The following RAB3C variants were observed in gnomAD, a reference collection of about 807,000 sequenced individuals.
The protein encoded by RAB3C is ras-related protein Rab-3C.
RAB3C carries 17 observed loss-of-function variants against 26.4 expected under a neutral mutation model. The ratio of observed to expected loss-of-function variants is 0.64; its 90% CI spans 0.44 to 0.97. The LOEUF is 0.97. Ranked by LOEUF, RAB3C falls within the 50% of genes least tolerant of loss-of-function variation. The pLI is 0.00. For synonymous variants in RAB3C, 91 were observed against 95.9 expected (o/e 0.95, Z 0.30); for missense variants, 242 against 281.9 (o/e 0.86, Z 1.01).
intron 2 of RAB3C, among the ~76,000 whole-genome samples, chr5:58,627,534 G>T (rs1054669700): frequency 1.4e-5 from 2 of 138,894 alleles, no homozygotes; most frequent in African/African-American, 2.5e-5. Flanking sequence ...GCTTAAATTC[G>T]GTGCAAATTA....
intron 1 of RAB3C, among the ~76,000 whole-genome samples, chr5:58,587,886 T>C (rs1430265469): frequency 6.6e-6 from 1 of 152,082 alleles, no homozygotes; most frequent in Non-Finnish European, 1.5e-5. Context: ...CCATAGGAGT[T>C]TGATTTGTTC....
intron 1 of RAB3C, among the ~76,000 whole-genome samples, chr5:58,611,439 G>T (rs1746698545): frequency 6.6e-6 from 1 of 152,016 alleles, no homozygotes; most frequent in South Asian, 2.1e-4. Flanking sequence ...GGTGTGAAAT[G>T]GTATCTCATT....
At chr5:58,607,564 A>G (rs1261932332) in intron 1 of RAB3C, among the ~76,000 whole-genome samples, 2 of 152,166 alleles carry the variant, frequency 1.3e-5, no homozygotes, top group Non-Finnish European at 2.9e-5. Flanking sequence ...TACAGAGAAC[A>G]CCACAAAGAT....
chr5:58,667,912 A>T (rs1748033463), intron 2 of RAB3C, among the ~76,000 whole-genome samples: 1 of 152,248 alleles, frequency 6.6e-6, no homozygotes, highest in Admixed American at 6.5e-5. Context: ...TATGCCTCTT[A>T]TATGGACTTG....
intron 2 of RAB3C, among the ~76,000 whole-genome samples, chr5:58,685,122 C>T (rs1314579560): frequency 6.6e-6 from 1 of 152,128 alleles, no homozygotes; most frequent in African/African-American, 2.4e-5. Flanking sequence ...CAGATACATG[C>T]TAATCCCTCA....
At chr5:58,683,510 G>A (rs74394115) in intron 2 of RAB3C, among the ~76,000 whole-genome samples, 57 of 152,076 alleles carry the variant, frequency 3.7e-4, no homozygotes, top group African/African-American at 5.3e-4. Flanking sequence ...TTCCTATTGC[G>A]GCTATAACCG....
chr5:58,629,170 T>A (rs1876690), intron 2 of RAB3C, among the ~76,000 whole-genome samples: 17,910 of 152,204 alleles, frequency 0.12, 1,351 homozygotes, highest in Non-Finnish European at 0.16. Flanking sequence ...TAGATTTTTT[T>A]AAATTTTTTT....
chr5:58,615,036 T>C (rs1176017940), intron 1 of RAB3C, among the ~76,000 whole-genome samples: 1 of 152,120 alleles, frequency 6.6e-6, no homozygotes, highest in Non-Finnish European at 1.5e-5. Context: ...ACTTGAGCCA[T>C]CTGCAGATTG....
intron 2 of RAB3C, among the ~76,000 whole-genome samples, chr5:58,618,136 T>C (rs980404812): frequency 1.1e-4 from 16 of 152,148 alleles, no homozygotes. Context: ...CTCTATCTTG[T>C]TGGTGGTGGA....
At position 58,706,100 on chromosome 5, in the gene RAB3C, G is replaced by T. The variant is rs1396913733; in HGVS notation, c.253-19902G>T. 3.3e-5 allele frequency among the ~76,000 whole-genome samples: 5 copies of T among 152,120 alleles called. No individual in the cohort carries two copies. In the East Asian group the frequency reaches 9.6e-4, roughly 29 times the overall value. On this transcript the variant is annotated intron_variant, in intron 2 of 4. Coordinates refer to ENST00000282878, the MANE Select transcript of RAB3C (RefSeq NM_138453.4). ...AATAATCAAGTACAAACAACCACTG[G>T]GTGATCTAGGAGTTAGTGTAAAGGA...
chr5:58,599,242 G>A (rs989779050), intron 1 of RAB3C, among the ~76,000 whole-genome samples: 4 of 152,088 alleles, frequency 2.6e-5, no homozygotes, highest in Non-Finnish European at 5.9e-5. Context: ...AAAATAGGTG[G>A]AATGGTATTT....
intron 2 of RAB3C, among the ~76,000 whole-genome samples, chr5:58,620,103 T>C (rs534628819): frequency 6.6e-6 from 1 of 152,224 alleles, no homozygotes; most frequent in South Asian, 2.1e-4. Context: ...CCTTTAAGTC[T>C]ATAGACAGTC....
chr5:58,717,624 A>G (rs1002768886), intron 2 of RAB3C, among the ~76,000 whole-genome samples: 7 of 152,060 alleles, frequency 4.6e-5, no homozygotes, highest in Non-Finnish European at 8.8e-5. Context: ...CTGTTAATAT[A>G]CATCATAGCT....
At chr5:58,831,820 C>A (rs1743619706) in intron 4 of RAB3C, among the ~76,000 whole-genome samples, 1 of 152,090 alleles carries the variant, frequency 6.6e-6, no homozygotes. Context: ...GGAAACAAAT[C>A]TAGAAGGAAG....
At chr5:58,816,795 A>G (rs898602719) in intron 3 of RAB3C, among the ~76,000 whole-genome samples, 1 of 152,194 alleles carries the variant, frequency 6.6e-6, no homozygotes, top group African/African-American at 2.4e-5. Context: ...GACGGAGGGT[A>G]GCAAGAGATG....
rs908170893 is a variant in RAB3C, at chr5:58,766,416, G to A, written c.371+40296G>A. ...CAGGCATGAGCCACCGCACCTAGCC[G>A]AGTAGTTCTTTGTAGCAATGTGAGA... is the stretch of plus-strand genomic sequence containing the variant. On this transcript the variant is annotated intron_variant, in intron 3 of 4. Transcript: ENST00000282878. Among the ~76,000 whole-genome samples, 6 of 152,078 alleles carry A rather than the reference G, an allele frequency of 3.9e-5. No individual in the cohort carries two copies. The East Asian group carries it at 9.7e-4, about 24-fold the overall frequency.
chr5:58,793,393 C>T (rs929731289), intron 3 of RAB3C, among the ~76,000 whole-genome samples: 6 of 152,098 alleles, frequency 3.9e-5, no homozygotes, highest in African/African-American at 1.4e-4. Context: ...CCTGTCTCTA[C>T]TAAAAATACA....
chr5:58,663,511 A>G lies in RAB3C; in HGVS notation c.252+45641A>G, dbSNP rs563504499. Among the ~76,000 whole-genome samples, 4 of 150,536 alleles carry G rather than the reference A, an allele frequency of 2.7e-5. No homozygotes were observed. In the South Asian group the frequency reaches 6.2e-4, roughly 23 times the overall value. On this transcript the variant is annotated intron_variant, in intron 2 of 4. Coordinates refer to ENST00000282878, the MANE Select transcript of RAB3C (RefSeq NM_138453.4). ...CTCCTAAGAATTTCAAGTTTAAAAT[A>G]TTAAAATGTAACTAAATTCATTTGG...
intron 3 of RAB3C, chr5:58,815,936 A>G (rs1307002085): frequency 6.6e-6 from 1 of 152,216 alleles, no homozygotes; most frequent in East Asian, 1.9e-4. Context: ...AGGGCCTGAC[A>G]CAGAAGCCAT....
Sources: gnomAD v4.1 joint callset for allele counts (sites outside exome capture counted in the v4.1 genomes callset) on GRCh38, gnomAD v4.1.1 for gene constraint, MANE v1.5 for transcripts, NCBI Gene and HGNC (gene_info 2026-07-23, HGNC 2026-07-21) for gene names.